DLG2: variants seen among roughly 807,000 people sequenced by gnomAD.
DLG2 encodes the protein discs large MAGUK scaffold protein 2, also known as disks large homolog 2.
A neutral mutation model predicts 132.5 loss-of-function variants in DLG2; 45 were observed. That is an observed-to-expected ratio of 0.34 (90% confidence interval 0.27 to 0.44). The LOEUF is 0.44. Ranked by LOEUF, DLG2 falls within the 20% of genes least tolerant of loss-of-function variation. The pLI is 1.00. For missense variants in DLG2, 1,045 were observed against 1,196.9 expected, an observed-to-expected ratio of 0.87 and a Z score of 1.87; for synonymous variants, 424 against 419.6, an observed-to-expected ratio of 1.01 and a Z score of -0.13.
intron 11 of DLG2, among the ~76,000 whole-genome samples, chr11:84,026,606 TTA>T (rs1172777975): frequency 3.5e-5 from 2 of 56,944 alleles, no homozygotes; most frequent in East Asian, 4.0e-4. Context: ...AGTTCCACAC[TTA>T]TAGTTATATA....
At position 84,711,099 on chromosome 11, in the gene DLG2, T is replaced by C. The variant is rs370530978; in HGVS notation, c.358-176368A>G. 1.2e-3 allele frequency among the ~76,000 whole-genome samples: 184 copies of C among 150,850 alleles called. No individual in the cohort carries two copies. In the South Asian group the frequency reaches 0.018, roughly 15 times the overall value. On this transcript the variant is annotated intron_variant, in intron 6 of 27. Coordinates refer to ENST00000376104, the MANE Select transcript of DLG2 (RefSeq NM_001142699.3). ...TATTTAAATGTTTTCTACTATGGTGTCTCTGGAAGTATAATCTGTGACTTA... is the reference window on the plus strand; with the variant it reads ...TATTTAAATGTTTTCTACTATGGTGCCTCTGGAAGTATAATCTGTGACTTA...
chr11:84,143,384 T>C (rs557284723), intron 9 of DLG2, among the ~76,000 whole-genome samples: 12 of 152,298 alleles, frequency 7.9e-5, no homozygotes, highest in Non-Finnish European at 1.8e-4. Flanking sequence ...TCAATAAATC[T>C]GATTGGTAAT....
intron 6 of DLG2, among the ~76,000 whole-genome samples, chr11:84,888,469 G>A (rs1167390714): frequency 2.0e-5 from 3 of 151,982 alleles, no homozygotes; most frequent in Non-Finnish European, 4.4e-5. Flanking sequence ...TTAGGCTTTT[G>A]GAGTGAAATT....
chr11:85,098,571 A>G (rs1594143835), intron 6 of DLG2, among the ~76,000 whole-genome samples: 1 of 152,222 alleles, frequency 6.6e-6, no homozygotes, highest in African/African-American at 2.4e-5. Flanking sequence ...GTAAATGCCA[A>G]TACAACTTAA....
chr11:85,020,572 T>G (rs547089742), intron 6 of DLG2, among the ~76,000 whole-genome samples: 2 of 152,350 alleles, frequency 1.3e-5, no homozygotes, highest in Non-Finnish European at 2.9e-5. Context: ...TAGATTTTCT[T>G]CCAGGATTTT....
intron 15 of DLG2, among the ~76,000 whole-genome samples, chr11:83,895,145 C>CTTT (rs11287512): frequency 0.012 from 1,067 of 87,862 alleles, 6 homozygotes; most frequent in East Asian, 0.054. Context: ...GAACTACTGT[C>CTTT]TTTTTTTTTT....
chr11:84,847,921 A>G (rs953010416), intron 6 of DLG2, among the ~76,000 whole-genome samples: 1 of 152,108 alleles, frequency 6.6e-6, no homozygotes, highest in African/African-American at 2.4e-5. Flanking sequence ...ATAAGCTTAG[A>G]CTGGGAGGGA....
rs186526508 is a variant in DLG2, at chr11:84,990,132, A to C, written c.357+121529T>G. On this transcript the variant is annotated intron_variant, in intron 6 of 27. Coordinates refer to ENST00000376104, the MANE Select transcript of DLG2 (RefSeq NM_001142699.3). The stretch of plus-strand genomic sequence containing the variant: ...GGACTTGTATCCACGATATGTGAAG[A>C]ACTCCACAACTCAACAGCAATGAAA... Among the ~76,000 whole-genome samples the C allele has an allele frequency of 2.4e-3, 367 of 152,342 alleles. 1 individual carries two copies. Among genetic ancestry groups the C allele is most frequent in the African/African-American group, 8.4e-3 (351 of 41,578 alleles).
intron 4 of DLG2, among the ~76,000 whole-genome samples, chr11:85,248,196 G>A (rs578151633): frequency 3.3e-5 from 5 of 151,980 alleles, no homozygotes; most frequent in South Asian, 2.1e-4. Context: ...ACAAACAAAC[G>A]AACTGAGGCC....
intron 3 of DLG2, among the ~76,000 whole-genome samples, chr11:85,426,211 G>A (rs930305266): frequency 6.6e-6 from 1 of 152,196 alleles, no homozygotes; most frequent in African/African-American, 2.4e-5. Context: ...ACCTCTGGGG[G>A]CAGGGCACAG....
intron 6 of DLG2, among the ~76,000 whole-genome samples, chr11:84,928,811 C>T (rs543612713): frequency 6.6e-6 from 1 of 150,590 alleles, no homozygotes; most frequent in African/African-American, 2.4e-5. Flanking sequence ...AAAAGTATCC[C>T]TAAAGTCATA....
intron 6 of DLG2, among the ~76,000 whole-genome samples, chr11:84,654,367 A>T (rs574737740): frequency 6.6e-6 from 1 of 152,176 alleles, no homozygotes; most frequent in Non-Finnish European, 1.5e-5. Context: ...GCATTCATAA[A>T]TGTTTTCTTA....
intron 21 of DLG2, among the ~76,000 whole-genome samples, chr11:83,530,174 A>G (rs1412211942): frequency 6.6e-6 from 1 of 151,928 alleles, no homozygotes; most frequent in African/African-American, 2.4e-5. Flanking sequence ...GGAATCATGG[A>G]AAAAAAACCT....
intron 6 of DLG2, among the ~76,000 whole-genome samples, chr11:84,946,017 G>T (rs901128110): frequency 1.3e-5 from 2 of 152,096 alleles, no homozygotes; most frequent in Non-Finnish European, 2.9e-5. Context: ...GGCAAGTACT[G>T]TCTGGCTACT....
At chr11:84,955,355 C>G (rs1329670957) in intron 6 of DLG2, 1 of 152,066 alleles carries the variant, frequency 6.6e-6, no homozygotes, top group African/African-American at 2.4e-5. Flanking sequence ...AAGACTTTGG[C>G]CAAGATAGAT....
At chr11:84,316,108 T>A in intron 7 of DLG2, among the ~76,000 whole-genome samples, 1 of 152,206 alleles carries the variant, frequency 6.6e-6, no homozygotes, top group Admixed American at 6.5e-5. Flanking sequence ...GATAGTAGTC[T>A]GGGGGCTAGA....
intron 4 of DLG2, among the ~76,000 whole-genome samples, chr11:85,266,194 G>A (rs1313713902): frequency 1.3e-5 from 2 of 152,236 alleles, no homozygotes; most frequent in East Asian, 3.9e-4. Flanking sequence ...CACAAGGCCT[G>A]CATGGAATTT....
chr11:85,042,070 A>C (rs1438065222), intron 6 of DLG2, among the ~76,000 whole-genome samples: 2 of 151,904 alleles, frequency 1.3e-5, no homozygotes, highest in South Asian at 2.1e-4. Flanking sequence ...TTTACCCCTA[A>C]ATCTATCAAA....
In DLG2 at chr11:83,457,248, A is replaced by G. The variant is rs1172751429; in HGVS notation, c.*2570T>C. The G allele has an allele frequency of 6.6e-6, 1 of 152,576 alleles. No individual in the cohort carries two copies. Among genetic ancestry groups the G allele is most frequent in the Non-Finnish European group, 1.5e-5 (1 of 68,038 alleles). The allele number at this position is 152,576 out of a possible 1,614,324, so 9.5% of individuals were successfully genotyped here. A position where few individuals can be genotyped will look rare whatever the true frequency, so the allele number is the denominator to read the frequency against. On this transcript the variant is annotated 3_prime_UTR_variant, in exon 28 of 28. Transcript: ENST00000376104. ...ATGTAATCTGGGTAACTTTCATGCC[A>G]TTTCCATACAAGTCATCAGATTTGC...
Sources: gnomAD v4.1 joint callset for allele counts (sites outside exome capture counted in the v4.1 genomes callset) on GRCh38, gnomAD v4.1.1 for gene constraint, MANE v1.5 for transcripts, NCBI Gene and HGNC (gene_info 2026-07-23, HGNC 2026-07-21) for gene names.